Variants in RBPJ observed in about 807,000 individuals in gnomAD.
The protein encoded by RBPJ is recombining binding protein suppressor of hairless.
A neutral mutation model predicts 67.8 loss-of-function variants in RBPJ; 9 were observed. The ratio of observed to expected loss-of-function variants is 0.13; its 90% confidence interval spans 0.08 to 0.23. The LOEUF (loss-of-function observed/expected upper bound fraction) is 0.23. RBPJ is among the 10% of genes least tolerant of loss of function. RBPJ has a pLI of 1.00. For missense variants in RBPJ, 305 were observed against 595.6 expected, an observed-to-expected ratio of 0.51 and a Z score of 5.08; for synonymous variants, 198 against 203.3, an observed-to-expected ratio of 0.97 and a Z score of 0.22.
intron 1 of RBPJ, among the ~76,000 whole-genome samples, chr4:26,251,922 C>T (rs911283610): frequency 7.4e-5 from 11 of 148,594 alleles, no homozygotes; most frequent in South Asian, 2.1e-4. Context: ...AAGTCAATAA[C>T]GTTCTCACAA....
chr4:26,158,945 T>TCTC (rs1716025420), upstream of RBPJ, among the ~76,000 whole-genome samples: 22 of 136,844 alleles, frequency 1.6e-4, no homozygotes, highest in South Asian at 2.4e-4. Context: ...CTCTCTCTCT[T>TCTC]TCTCTCTCTC....
chr4:26,112,756 T>C, the RBPJ span: 1 of 39,300 alleles, frequency 2.5e-5, no homozygotes, highest in East Asian at 2.4e-4. Context: ...AGGGAGAATC[T>C]TTTTTTTTTT....
At chr4:26,225,133 A>T (rs1050198148) in intron 1 of RBPJ, among the ~76,000 whole-genome samples, 1 of 152,232 alleles carries the variant, frequency 6.6e-6, no homozygotes. Context: ...ACCTATCGGG[A>T]ACCAAAATTT....
chr4:26,155,717 C>T, the RBPJ span, among the ~76,000 whole-genome samples: 69,100 of 151,904 alleles, frequency 0.45, 15,869 homozygotes, highest in Non-Finnish European at 0.5. Context: ...TTGCAGGTGA[C>T]CTTTTCTCTT....
intron 1 of RBPJ, among the ~76,000 whole-genome samples, chr4:26,183,406 G>A (rs1029386337): frequency 7.2e-5 from 11 of 152,182 alleles, no homozygotes; most frequent in African/African-American, 2.4e-4. Context: ...CAGAGCACAC[G>A]TTCTTGTTAG....
intron 1 of RBPJ, among the ~76,000 whole-genome samples, chr4:26,296,120 T>C (rs774353948): frequency 1.6e-4 from 25 of 152,298 alleles, no homozygotes; most frequent in Middle Eastern, 3.4e-3. Flanking sequence ...AGAGGGACTA[T>C]TGGATTCCTT....
At chr4:26,388,684 G>T (rs1418899479) in intron 2 of RBPJ, among the ~76,000 whole-genome samples, 1 of 152,124 alleles carries the variant, frequency 6.6e-6, no homozygotes. Flanking sequence ...GTACACTTGG[G>T]ATTAATTTCA....
At chr4:26,180,738 A>C (rs1014275088) in intron 1 of RBPJ, among the ~76,000 whole-genome samples, 2 of 152,216 alleles carry the variant, frequency 1.3e-5, no homozygotes, top group African/African-American at 4.8e-5. Flanking sequence ...TTGTGGTCCT[A>C]AGGGTTAAAA....
intron 1 of RBPJ, among the ~76,000 whole-genome samples, chr4:26,214,961 AGG>A: frequency 3.9e-5 from 1 of 25,504 alleles, no homozygotes; most frequent in African/African-American, 3.2e-4. Flanking sequence ...GGAAGGAAGG[AGG>A]GAGGGAGGGA....
In RBPJ at chr4:26,244,157, G is replaced by GTA. The variant is rs369158366; in HGVS notation, c.-167+80553_-167+80554dup. ...TATATATATATGTGTACACATATAT[G>GTA]TATATATATATGTATACACATATAT... On this transcript the variant is annotated intron_variant, in intron 1 of 4. Transcript: ENST00000512351. Among the ~76,000 whole-genome samples the GTA allele has an allele frequency of 5.3e-3, 786 of 147,026 alleles. 33 individuals are homozygous for GTA. The highest frequency in any genetic ancestry group is 0.04 in the South Asian group (186 of 4,648).
intron 1 of RBPJ, among the ~76,000 whole-genome samples, chr4:26,311,160 A>G (rs1481152177): frequency 6.6e-6 from 1 of 152,182 alleles, no homozygotes; most frequent in Non-Finnish European, 1.5e-5. Context: ...AGAAGCTACA[A>G]TCTCCATTTT....
At chr4:26,389,050 T>C (rs969236299) in intron 2 of RBPJ, among the ~76,000 whole-genome samples, 1 of 151,814 alleles carries the variant, frequency 6.6e-6, no homozygotes, top group Non-Finnish European at 1.5e-5. Context: ...GGCGAAACCG[T>C]GTCTGTACCA....
intron 1 of RBPJ, among the ~76,000 whole-genome samples, chr4:26,233,979 A>G (rs1197196390): frequency 6.6e-6 from 1 of 152,228 alleles, no homozygotes; most frequent in African/African-American, 2.4e-5. Context: ...AAAAAAATTC[A>G]TAATTGCAAA....
intron 2 of RBPJ, among the ~76,000 whole-genome samples, chr4:26,403,991 C>T (rs191427155): frequency 1.1e-4 from 16 of 152,284 alleles, no homozygotes; most frequent in Admixed American, 9.8e-4. Context: ...AACTAATTTA[C>T]GCTACCACCA....
chr4:26,312,410 T>C (rs10939103), intron 1 of RBPJ, among the ~76,000 whole-genome samples: 100,791 of 152,022 alleles, frequency 0.66, 33,660 homozygotes, highest in African/African-American at 0.73. Context: ...GGATTACAGG[T>C]GTGAGCCACC....
chr4:26,120,128 C>T, the RBPJ span, among the ~76,000 whole-genome samples: 25 of 152,120 alleles, frequency 1.6e-4, no homozygotes, highest in Admixed American at 1.4e-3. Context: ...ACCAAGAGGT[C>T]GAGCAGAAAG....
rs74343233 is a variant in RBPJ at position 26,264,364 on chromosome 4, G to A, written c.-166-98082G>A. On this transcript the variant is annotated intron_variant, in intron 1 of 4. Transcript: ENST00000512351. The surrounding 1 kb of genome is among the most constrained non-coding windows in gnomAD (Gnocchi z 4.1). The stretch of plus-strand genomic sequence containing the variant: ...ATGAATACTTTTTAATTCAGCATAT[G>A]TAGTCTGGAGCACTATGACAGCCTT... Among the ~76,000 whole-genome samples, 5,175 of 152,216 alleles carry A rather than the reference G, an allele frequency of 0.034. 205 individuals are homozygous for A. Among genetic ancestry groups the A allele is most frequent in the Middle Eastern group, 0.092 (27 of 294 alleles).
chr4:26,208,684 AT>A (rs1277214761), intron 1 of RBPJ, among the ~76,000 whole-genome samples: 1 of 152,114 alleles, frequency 6.6e-6, no homozygotes, highest in Non-Finnish European at 1.5e-5. Flanking sequence ...TTCTTGCTTA[AT>A]TTTGACCACC....
chr4:26,153,990 T>G, the RBPJ span, among the ~76,000 whole-genome samples: 1 of 152,170 alleles, frequency 6.6e-6, no homozygotes, highest in African/African-American at 2.4e-5. Flanking sequence ...AGATTTCAGA[T>G]TTTTGGATTA....
Sources: allele counts gnomAD v4.1 joint callset (sites outside exome capture counted in the v4.1 genomes callset), GRCh38; gene constraint gnomAD v4.1.1; non-coding constraint Gnocchi (gnomAD v3.1); transcripts MANE v1.5; gene names NCBI Gene and HGNC (gene_info 2026-07-23, HGNC 2026-07-21).